Variants in CNTROB observed in about 807,000 individuals in gnomAD.
CNTROB encodes the protein centrobin, centriole duplication and spindle assembly protein.
A neutral mutation model predicts 115.7 loss-of-function variants in CNTROB; 82 were observed. That is an observed-to-expected ratio of 0.71 (90% CI 0.59 to 0.85). The LOEUF (loss-of-function observed/expected upper bound fraction) is 0.85, where lower values mean the gene tolerates loss of function less well. CNTROB is among the 40% of genes least tolerant of loss of function. The pLI, the probability that CNTROB is intolerant of heterozygous loss-of-function variation, is 0.00. For synonymous variants in CNTROB, 439 were observed against 456.4 expected, an observed-to-expected ratio of 0.96 and a Z score of 0.49; for missense variants, 1,014 against 1,144.4, an observed-to-expected ratio of 0.89 and a Z score of 1.64.
At position 7,948,209 on chromosome 17, in the gene CNTROB, A is replaced by G; in HGVS notation, c.2262A>G (p.Pro754=). 1 of 1,613,986 alleles carries G rather than the reference A, an allele frequency of 6.2e-7. No individual in the cohort carries two copies. Among genetic ancestry groups the G allele is most frequent in the Non-Finnish European group, 8.5e-7 (1 of 1,180,008 alleles). The change falls in exon 16 of 19, where the codon CCA becomes CCG. Residue 754 remains proline, a synonymous_variant. Transcript: ENST00000563694. This position sits in a 1 kb window ranked among gnomAD's most constrained non-coding sequence, Gnocchi z 4.4. ...WEEAPQVPRI[P]PPVHKTKVPL... The stretch of plus-strand genomic sequence containing the variant: ...AAGCCCCTCAAGTGCCACGTATTCC[A>G]CCGCCTGTCCACAAAACCAAAGTTC...
chr17:7,944,649 C>T lies in CNTROB; in HGVS notation c.1734+11C>T, dbSNP rs1830502837. Reference sequence around the variant, plus strand: ...CCGCCCAACCCTCCAGTACGCCTTACCCCTTGAGCTAAGCTTCTCCGTTAT... The same window carrying T: ...CCGCCCAACCCTCCAGTACGCCTTATCCCTTGAGCTAAGCTTCTCCGTTAT... On this transcript the variant is annotated intron_variant, in intron 12 of 18. Coordinates refer to ENST00000563694, the MANE Select transcript of CNTROB (RefSeq NM_053051.5). The surrounding 1 kb of genome is among the most constrained non-coding windows in gnomAD (Gnocchi z 4.0). 5 of 1,594,396 alleles carry T rather than the reference C, an allele frequency of 3.1e-6. No individual in the cohort carries two copies. Among genetic ancestry groups the T allele is most frequent in the Non-Finnish European group, 4.3e-6 (5 of 1,170,100 alleles).
At chr17:7,936,226 C>T (rs759295022) in intron 4 of CNTROB, 140 bp from the exon 5 acceptor site, 2 of 666,564 alleles carry the variant, frequency 3.0e-6, no homozygotes, top group South Asian at 3.5e-5. Flanking sequence ...TTTCCTGATT[C>T]TCCCTCTCCA....
chr17:7,939,642 G>A lies in CNTROB; in HGVS notation c.1057G>A (p.Ala353Thr). Residue 353 changes from alanine to threonine, a missense_variant, in exon 8 of 19, where the codon GCT (alanine) becomes ACT (threonine). Ala to Thr is a moderately conservative substitution (Grantham distance 58, BLOSUM62 0). Transcript: ENST00000563694. The surrounding 1 kb of genome is among the most constrained non-coding windows in gnomAD (Gnocchi z 4.4). ...GCATCGAGAGTTGGAGACTCTTCGG[G>A]CTGCCCTAGAAGAAGAACGGCAGAC... ...SEHRELETLR[A>T]ALEEERQTWA... is the part of the protein sequence containing the mutation. The A allele has an allele frequency of 1.2e-6, 2 of 1,614,054 alleles. No homozygotes were observed. The highest frequency in any genetic ancestry group is 1.7e-6 in the Non-Finnish European group (2 of 1,180,006).
In CNTROB at chr17:7,944,720, C is replaced by G; in HGVS notation, c.1734+82C>G. 6.7e-7 allele frequency: 1 copy of G among 1,497,082 alleles called. No individual in the cohort carries two copies. The highest frequency in any genetic ancestry group is 2.3e-5 in the East Asian group (1 of 43,920). The allele number at this position is 1,497,082 out of a possible 1,614,324, so 92.7% of individuals were successfully genotyped here. ...TTTGAGACAGGGTCTCACTCTTGCC[C>G]AGGCTGGAGTGTACTGGTGAGATCA... On this transcript the variant is annotated intron_variant, in intron 12 of 18. Coordinates refer to ENST00000563694, the MANE Select transcript of CNTROB (RefSeq NM_053051.5). This position sits in a 1 kb window ranked among gnomAD's most constrained non-coding sequence, Gnocchi z 4.0.
rs751690198 is a variant in CNTROB, at chr17:7,934,513, C to T, written c.404C>T (p.Ser135Phe). 3.7e-6 allele frequency: 6 copies of T among 1,614,170 alleles called. No individual in the cohort carries two copies. Among genetic ancestry groups the T allele is most frequent in the Non-Finnish European group, 5.1e-6 (6 of 1,180,010 alleles). The change falls in exon 3 of 19, where the codon TCC becomes TTC. Residue 135 changes from serine to phenylalanine, a missense_variant. Coordinates refer to ENST00000563694, the MANE Select transcript of CNTROB (RefSeq NM_053051.5). Reference protein sequence around the residue: ...GAGSERREEDSFDSDSTATLL... With the variant: ...GAGSERREEDFFDSDSTATLL... ...GGCTCAGAGAGACGGGAAGAGGACTCCTTTGACAGTGATAGCACAGCCACC... is the reference window on the plus strand; with the variant it reads ...GGCTCAGAGAGACGGGAAGAGGACTTCTTTGACAGTGATAGCACAGCCACC...
At chr17:7,935,330 G>A (rs562568537) in intron 4 of CNTROB, among the ~76,000 whole-genome samples, 185 bp downstream of exon 4, 4 of 152,116 alleles carry the variant, frequency 2.6e-5, no homozygotes, top group East Asian at 1.9e-4. Context: ...GGTGAAACCC[G>A]TCTCTACTAA....
rs868392695 is a variant in CNTROB, at chr17:7,947,755, T to C, written c.2145+33T>C. The stretch of plus-strand genomic sequence containing the variant: ...AGATTCCACCCAGACTAGCTCACTT[T>C]CTTCTTCCCTTTCTCCTTTCCTCTT... On this transcript the variant is annotated intron_variant, in intron 14 of 18. Coordinates refer to ENST00000563694, the MANE Select transcript of CNTROB (RefSeq NM_053051.5). The C allele has an allele frequency of 1.9e-6, 3 of 1,601,196 alleles. No individual in the cohort carries two copies. In the Middle Eastern group the frequency reaches 5.0e-4, roughly 267 times the overall value.
chr17:7,938,153 C>G (rs1973424708), intron 7 of CNTROB, among the ~76,000 whole-genome samples: 1 of 152,078 alleles, frequency 6.6e-6, no homozygotes, highest in South Asian at 2.1e-4. Flanking sequence ...CAGGCGTATA[C>G]CACCACGCCT....
chr17:7,935,051 C>T lies in CNTROB; in HGVS notation c.500C>T (p.Pro167Leu), dbSNP rs1395512530. 6.2e-7 allele frequency: 1 copy of T among 1,614,176 alleles called. No individual in the cohort carries two copies. Residue 167 changes from proline (P) to leucine (L), a missense_variant, in exon 4 of 19, where the codon CCC becomes CTC. Physicochemically the swap from Pro to Leu is moderately conservative, Grantham distance 98 (BLOSUM62 -3). Transcript: ENST00000563694. ...GCCCAAGCCCTGGAGGAGCTGTTTC[C>T]CCGCTACACCAGCCTTCGGCCAGGG... The part of the protein sequence containing the change: ...SSAQALEELF[P>L]RYTSLRPGPP...
At chr17:7,937,741 T>C (rs779045234) in intron 7 of CNTROB, among the ~76,000 whole-genome samples, 9 of 151,968 alleles carry the variant, frequency 5.9e-5, no homozygotes, top group Non-Finnish European at 1.0e-4. Context: ...AGGCAGAGGT[T>C]GCAGTGAGCT....
chr17:7,936,956 C>T (rs946566009), intron 6 of CNTROB, 139 bp downstream of exon 6: 17 of 748,892 alleles, frequency 2.3e-5, no homozygotes, highest in African/African-American at 1.4e-4. Flanking sequence ...TTCTTCTCAT[C>T]CCTCCTTTCT....
chr17:7,934,361 GT>G, intron 2 of CNTROB, 103 bp from the exon 3 acceptor site: 1 of 1,320,784 alleles, frequency 7.6e-7, no homozygotes, highest in South Asian at 1.2e-5. Flanking sequence ...GGGAGAGGGG[GT>G]GAAGGAGTGA....
Position 7,941,950 on chromosome 17 carries a change from C to T in CNTROB, c.1312-1441C>T, listed in dbSNP as rs918734116. ...TGCACTCCAGCCTGGGTGACAGGAG[C>T]GAGACCGAGTCTCAAAAAAAAAAAA... is the stretch of plus-strand genomic sequence containing the variant. On this transcript the variant is annotated intron_variant, in intron 9 of 18. Transcript: ENST00000563694. Among the ~76,000 whole-genome samples the T allele has an allele frequency of 2.0e-4, 23 of 116,600 alleles. 1 individual carries two copies. Among genetic ancestry groups the T allele is most frequent in the African/African-American group, 5.9e-4 (17 of 28,894 alleles). The allele number at this position is 116,600 out of a possible 152,430, so 76.5% of individuals were successfully genotyped here.
intron 9 of CNTROB, among the ~76,000 whole-genome samples, chr17:7,940,886 G>T (rs1406610714): frequency 6.6e-6 from 1 of 152,206 alleles, no homozygotes; most frequent in African/African-American, 2.4e-5. Flanking sequence ...TTTTAGCTTT[G>T]TGGGTTGTAT....
chr17:7,935,177 C>T, intron 4 of CNTROB, 32 bp downstream of exon 4: 1 of 1,613,118 alleles, frequency 6.2e-7, no homozygotes, highest in African/African-American at 1.3e-5. Flanking sequence ...TCGAAAGCAG[C>T]AAAGATTAGA....
intron 7 of CNTROB, among the ~76,000 whole-genome samples, chr17:7,938,850 C>T (rs1973510003): frequency 6.6e-6 from 1 of 152,182 alleles, no homozygotes; most frequent in Non-Finnish European, 1.5e-5. Flanking sequence ...ACAATCTTGG[C>T]TCACTGCAAC....
Position 7,943,492 on chromosome 17 carries a change from A to G in CNTROB, c.1413A>G (p.Leu471=). The change falls in exon 10 of 19, where the codon CTA becomes CTG. Residue 471 remains leucine (L), a synonymous_variant. Coordinates refer to ENST00000563694, the MANE Select transcript of CNTROB (RefSeq NM_053051.5). The surrounding 1 kb of genome is among the most constrained non-coding windows in gnomAD (Gnocchi z 4.7). Reference sequence around the variant, plus strand: ...TGGCGCAGGCTCAGGAGAGCAGCCTACGGCAAGCAGCCTCCCTCAGGGAAC... The same window carrying G: ...TGGCGCAGGCTCAGGAGAGCAGCCTGCGGCAAGCAGCCTCCCTCAGGGAAC... The part of the protein sequence containing the change: ...ERLAQAQESS[L]RQAASLREHH... The G allele has an allele frequency of 6.2e-7, 1 of 1,613,500 alleles. No homozygotes were observed. The highest frequency in any genetic ancestry group is 8.5e-7 in the Non-Finnish European group (1 of 1,179,618).
intron 13 of CNTROB, among the ~76,000 whole-genome samples, chr17:7,946,211 G>A (rs965041054): frequency 1.3e-5 from 2 of 152,230 alleles, no homozygotes; most frequent in Non-Finnish European, 2.9e-5. Flanking sequence ...AGTTGGGAAC[G>A]GGGTACTATC....
rs777124810 is a variant in CNTROB at position 7,949,453 on chromosome 17, G to A, written c.2655G>A (p.Lys885=). 4 of 1,614,170 alleles carry A rather than the reference G, an allele frequency of 2.5e-6. No homozygotes were observed. The highest frequency in any genetic ancestry group is 3.4e-6 in the Non-Finnish European group (4 of 1,180,036). ...APKTEKPPAR[K]KSGHPAPSSM... ...AGACTGAAAAACCTCCCGCACGGAA[G>A]AAAAGTGGGCACCCTGCCCCGAGTA... Residue 885 remains lysine (K), a synonymous_variant, in exon 19 of 19, where the codon AAG becomes AAA. Transcript: ENST00000563694.
Sources: gnomAD v4.1 joint callset for allele counts (sites outside exome capture counted in the v4.1 genomes callset) on GRCh38, gnomAD v4.1.1 for gene constraint, Gnocchi (gnomAD v3.1) non-coding constraint, MANE v1.5 for transcripts, NCBI Gene and HGNC (gene_info 2026-07-23, HGNC 2026-07-21) for gene names.